L3MBTL4: variants seen among roughly 807,000 people sequenced by gnomAD.
The protein encoded by L3MBTL4 is L3MBTL histone methyl-lysine binding protein 4, also known as lethal(3)malignant brain tumor-like protein 4.
L3MBTL4 carries 70 observed loss-of-function variants against 84.5 expected under a neutral mutation model. The observed-to-expected ratio is 0.83, with a 90% CI of 0.68 to 1.01. The LOEUF is 1.01. Among genes scored for constraint, L3MBTL4 ranks in the 50% least tolerant of loss-of-function variants. L3MBTL4 has a pLI of 0.00. For synonymous variants in L3MBTL4, 274 were observed against 259.8 expected, an observed-to-expected ratio of 1.05 and a Z score of -0.52; for missense variants, 715 against 754.8, an observed-to-expected ratio of 0.95 and a Z score of 0.62.
intron 12 of L3MBTL4, among the ~76,000 whole-genome samples, chr18:6,207,409 A>G (rs1003016101): frequency 6.6e-6 from 1 of 152,180 alleles, no homozygotes; most frequent in Non-Finnish European, 1.5e-5. Flanking sequence ...TTCCTTACAT[A>G]TGCTACTTTA....
intron 16 of L3MBTL4, among the ~76,000 whole-genome samples, chr18:5,998,159 T>C (rs2054061048): frequency 6.6e-6 from 1 of 152,138 alleles, no homozygotes; most frequent in Non-Finnish European, 1.5e-5. Flanking sequence ...CCCCAAACTC[T>C]CATCCATTAG....
intron 4 of L3MBTL4, among the ~76,000 whole-genome samples, chr18:6,271,538 G>A (rs1262369577): frequency 6.6e-6 from 1 of 152,210 alleles, no homozygotes; most frequent in African/African-American, 2.4e-5. Context: ...GAACGCGGAG[G>A]AAAGTGTGAG....
chr18:6,333,097 C>A (rs1288193773), intron 1 of L3MBTL4, among the ~76,000 whole-genome samples: 2 of 150,392 alleles, frequency 1.3e-5, no homozygotes, highest in South Asian at 2.1e-4. Flanking sequence ...AAACAAAATT[C>A]TTTTTAATTA....
At position 6,301,461 on chromosome 18, in the gene L3MBTL4, G is replaced by A. The variant is rs147571105; in HGVS notation, c.127+442C>T. 1.7e-3 allele frequency among the ~76,000 whole-genome samples: 264 copies of A among 152,274 alleles called. 1 individual carries two copies. The highest frequency in any genetic ancestry group is 3.2e-3 in the Non-Finnish European group (218 of 68,000). ...AGGCTATTATCTAAAACCTATTGAT[G>A]TATTAATAACCATAATGAGGAGTAT... is the stretch of plus-strand genomic sequence containing the variant. On this transcript the variant is annotated intron_variant, in intron 4 of 18. Coordinates refer to ENST00000317931, the MANE Select transcript of L3MBTL4 (RefSeq NM_001330559.2).
chr18:6,406,749 G>A (rs937365115), intron 1 of L3MBTL4, among the ~76,000 whole-genome samples: 1 of 152,110 alleles, frequency 6.6e-6, no homozygotes, highest in Non-Finnish European at 1.5e-5. Flanking sequence ...TACCGAGATT[G>A]AGAAACCCTG....
At chr18:5,977,603 CA>C (rs2053007693) in intron 16 of L3MBTL4, among the ~76,000 whole-genome samples, 2 of 152,358 alleles carry the variant, frequency 1.3e-5, no homozygotes, top group Admixed American at 6.5e-5. Context: ...GAGCAGGAGG[CA>C]GTCACGACTC....
At position 5,958,062 on chromosome 18, in the gene L3MBTL4, G is replaced by GAGAAGAAGAAGA. The variant is rs563678931; in HGVS notation, c.1678-1687_1678-1676dup. ...GGAGGAGGAGAAGGAGAAGGAGAAG[G>GAGAAGAAGAAGA]AGAAGAAGAAGAAGAAGAAGAAGAA... On this transcript the variant is annotated intron_variant, in intron 18 of 18. Transcript: ENST00000317931. Among the ~76,000 whole-genome samples, 124 of 93,226 alleles carry GAGAAGAAGAAGA rather than the reference G, an allele frequency of 1.3e-3. 1 individual carries two copies. Among genetic ancestry groups the GAGAAGAAGAAGA allele is most frequent in the Middle Eastern group, 5.1e-3 (1 of 196 alleles). 61.2% of individuals were successfully genotyped at this position (93,226 alleles called of 152,430 possible). A position where few individuals can be genotyped will look rare whatever the true frequency, so the allele number is the denominator to read the frequency against.
At chr18:6,290,791 C>A (rs1042663949) in intron 4 of L3MBTL4, among the ~76,000 whole-genome samples, 6 of 151,962 alleles carry the variant, frequency 3.9e-5, no homozygotes, top group African/African-American at 9.7e-5. Context: ...GCCTCCCAAA[C>A]TACTAGGATT....
rs191879188 is a variant in L3MBTL4, at chr18:6,233,178, T to C, written c.784+4786A>G. Among the ~76,000 whole-genome samples the C allele has an allele frequency of 8.6e-4, 131 of 151,724 alleles. 2 individuals carry two copies. The highest frequency in any genetic ancestry group is 1.5e-3 in the Non-Finnish European group (101 of 68,024). On this transcript the variant is annotated intron_variant, in intron 10 of 18. Coordinates refer to ENST00000317931, the MANE Select transcript of L3MBTL4 (RefSeq NM_001330559.2). ...ATTGATGGGACGTACCTAAAAATAATAAGAGCTATTTATAACAAACCCACA... is the reference window on the plus strand; with the variant it reads ...ATTGATGGGACGTACCTAAAAATAACAAGAGCTATTTATAACAAACCCACA...
At chr18:6,336,362 G>C (rs1599686317) in intron 1 of L3MBTL4, among the ~76,000 whole-genome samples, 1 of 152,170 alleles carries the variant, frequency 6.6e-6, no homozygotes, top group Non-Finnish European at 1.5e-5. Flanking sequence ...TCGGAGGCCA[G>C]AGGATCGAAA....
intron 16 of L3MBTL4, among the ~76,000 whole-genome samples, chr18:5,989,066 G>T (rs1359191088): frequency 6.6e-6 from 1 of 152,186 alleles, no homozygotes; most frequent in Admixed American, 6.5e-5. Flanking sequence ...AGACAGAGAG[G>T]TGGGGGCCTG....
intron 1 of L3MBTL4, among the ~76,000 whole-genome samples, chr18:6,324,758 C>A (rs982666684): frequency 2.0e-5 from 3 of 151,814 alleles, no homozygotes; most frequent in African/African-American, 7.3e-5. Context: ...GATCATCAGC[C>A]CAATCATGAG....
In L3MBTL4 at chr18:6,214,631, T is replaced by G. The variant is rs376604385; in HGVS notation, c.870+1119A>C. ...CAGCTTTTGTAGAAACACATTTTCT[T>G]TGTAAGATGCATTATCACATCTACT... On this transcript the variant is annotated intron_variant, in intron 11 of 18. Transcript: ENST00000317931. Among the ~76,000 whole-genome samples, 17 of 152,346 alleles carry G rather than the reference T, an allele frequency of 1.1e-4. No homozygotes were observed. The South Asian group carries it at 1.2e-3, about 11-fold the overall frequency.
At chr18:5,981,362 T>G (rs1042225939) in intron 16 of L3MBTL4, among the ~76,000 whole-genome samples, 2 of 152,150 alleles carry the variant, frequency 1.3e-5, no homozygotes, top group African/African-American at 4.8e-5. Context: ...AAGAAATGAG[T>G]ATTCTTGGTA....
intron 13 of L3MBTL4, among the ~76,000 whole-genome samples, chr18:6,151,370 G>A (rs912934764): frequency 2.6e-5 from 4 of 151,588 alleles, no homozygotes; most frequent in Admixed American, 1.3e-4. Flanking sequence ...ATAAGCAACT[G>A]CTACAATTAA....
intron 16 of L3MBTL4, among the ~76,000 whole-genome samples, chr18:5,973,641 C>A (rs1305413402): frequency 6.6e-6 from 1 of 152,162 alleles, no homozygotes; most frequent in African/African-American, 2.4e-5. Context: ...TAGACCGTTT[C>A]CAGAAACCAT....
intron 14 of L3MBTL4, among the ~76,000 whole-genome samples, chr18:6,137,672 T>C (rs1264141557): frequency 1.3e-5 from 2 of 152,260 alleles, no homozygotes; most frequent in Non-Finnish European, 2.9e-5. Context: ...GGCTTACATA[T>C]TTATTCGTAT....
At chr18:5,998,141 C>A (rs917056058) in intron 16 of L3MBTL4, among the ~76,000 whole-genome samples, 6 of 152,224 alleles carry the variant, frequency 3.9e-5, no homozygotes, top group Non-Finnish European at 8.8e-5. Context: ...CCTGCCTGAT[C>A]CTTCCTGCCC....
chr18:6,381,899 T>C (rs992013299), intron 1 of L3MBTL4, among the ~76,000 whole-genome samples: 3 of 152,228 alleles, frequency 2.0e-5, no homozygotes, highest in African/African-American at 7.2e-5. Flanking sequence ...ATTGGAGAAG[T>C]TCTCCTGGAT....
Sources: allele counts gnomAD v4.1 joint callset (sites outside exome capture counted in the v4.1 genomes callset), GRCh38; gene constraint gnomAD v4.1.1; transcripts MANE v1.5; gene names NCBI Gene and HGNC (gene_info 2026-07-23, HGNC 2026-07-21).